TAF11L14: variants seen among roughly 807,000 people sequenced by gnomAD.
The protein encoded by TAF11L14 is TATA-box binding protein associated factor 11 like 14, also known as TATA-box-binding protein-associated factor 11-like protein 14.
At position 17,634,723 on chromosome 5, in the gene TAF11L14, A is replaced by T. The variant is rs547199861; in HGVS notation, c.264A>T (p.Ala88=). 4.2e-4 allele frequency: 168 copies of T among 398,736 alleles called. 4 individuals are homozygous for T. The highest frequency in any genetic ancestry group is 6.5e-4 in the Non-Finnish European group (147 of 226,046). 24.7% of individuals were successfully genotyped at this position (398,736 alleles called of 1,614,324 possible). The stretch of plus-strand genomic sequence containing the variant: ...AGGAGAGGAAGCCCAGTGTGGATGC[A>T]GAGGAGGCTCAGAGGATGACAACCC... Residue 88 remains alanine (A), a synonymous_variant, in exon 1 of 1, where the codon GCA becomes GCT. Transcript: ENST00000512227.
In TAF11L14 at chr5:17,634,708, G is replaced by A. The variant is rs112668550; in HGVS notation, c.249G>A (p.Lys83=). The A allele has an allele frequency of 5.4e-3, 2,136 of 398,574 alleles. 73 individuals are homozygous for A. Among genetic ancestry groups the A allele is most frequent in the African/African-American group, 0.039 (1,906 of 48,546 alleles). The allele number at this position is 398,574 out of a possible 1,614,324, so 24.7% of individuals were successfully genotyped here. The change falls in exon 1 of 1, where the codon AAG becomes AAA. Residue 83 remains lysine, a synonymous_variant. Transcript: ENST00000512227. ...ATACCAAAGGCCAGAAGGAGAGGAA[G>A]CCCAGTGTGGATGCAGAGGAGGCTC...
exon 1 of TAF11L14, chr5:17,634,539 G>C (rs1739773113): frequency 2.5e-6 from 1 of 398,256 alleles, no homozygotes; most frequent in African/African-American, 2.1e-5. Context: ...AACGAGGATG[G>C]AATCCCTGAG....
At chr5:17,634,833 T>A in exon 1 of TAF11L14, 1 of 398,592 alleles carries the variant, frequency 2.5e-6, no homozygotes, top group Non-Finnish European at 4.4e-6. Flanking sequence ...GTTGCACGTC[T>A]GATGTGGTCT....
chr5:17,634,680 C>G (rs1159356037), exon 1 of TAF11L14: 1 of 398,794 alleles, frequency 2.5e-6, no homozygotes, highest in African/African-American at 2.1e-5. Flanking sequence ...AGACAGAAAA[C>G]AGATACCAAA....
rs183102740 is a variant in TAF11L14 at position 17,634,519 on chromosome 5, G to A, written c.60G>A (p.Leu20=). Residue 20 remains leucine, a synonymous_variant, in exon 1 of 1, where the codon CTG becomes CTA. Coordinates refer to ENST00000512227, the Ensembl canonical transcript of TAF11L14. ...AGATGTTCGCCATACCCCGAGGTCT[G>A]AAGGGCTGCAACGAGGATGGAATCC... 16 of 398,356 alleles carry A rather than the reference G, an allele frequency of 4.0e-5. 1 individual carries two copies. The highest frequency in any genetic ancestry group is 3.3e-4 in the African/African-American group (16 of 48,524). The allele number at this position is 398,356 out of a possible 1,614,324, so 24.7% of individuals were successfully genotyped here. A position where few individuals can be genotyped will look rare whatever the true frequency, so the allele number is the denominator to read the frequency against.
rs753135576 is a variant in TAF11L14 at position 17,634,468 on chromosome 5, C to A, written c.9C>A (p.Thr3=). The A allele has an allele frequency of 4.8e-5, 19 of 398,278 alleles. 1 individual carries two copies. Among genetic ancestry groups the A allele is most frequent in the Middle Eastern group, 6.3e-4 (1 of 1,584 alleles). The allele number at this position is 398,278 out of a possible 1,614,324, so 24.7% of individuals were successfully genotyped here. Residue 3 remains threonine, a synonymous_variant, in exon 1 of 1, where the codon ACC becomes ACA. Coordinates refer to ENST00000512227, the Ensembl canonical transcript of TAF11L14. ...CAACCTGAATCTCACCCATGGAGACCGGCAGGCAAACAGGTGTGTCTGCTG... is the reference window on the plus strand; with the variant it reads ...CAACCTGAATCTCACCCATGGAGACAGGCAGGCAAACAGGTGTGTCTGCTG...
the TAF11L14 span, chr5:17,634,583 C>T: frequency 7.5e-6 from 3 of 398,170 alleles, no homozygotes; most frequent in Non-Finnish European, 1.3e-5. Flanking sequence ...ACCCAGGGCT[C>T]AGGAATGTGA....
exon 1 of TAF11L14, chr5:17,634,646 G>A (rs1739774882): frequency 2.5e-6 from 1 of 398,528 alleles, no homozygotes; most frequent in African/African-American, 2.1e-5. Flanking sequence ...TGAGGCCTCA[G>A]CCTCAGCTCC....
At chr5:17,634,988 G>C (rs968550038) in exon 1 of TAF11L14, 2 of 398,280 alleles carry the variant, frequency 5.0e-6, no homozygotes, top group African/African-American at 4.1e-5. Flanking sequence ...GGATTTAAGG[G>C]AGGCTGTTTG....
chr5:17,634,575 C>T (rs1579629025), exon 1 of TAF11L14: 1 of 398,264 alleles, frequency 2.5e-6, no homozygotes, highest in Admixed American at 4.4e-5. Context: ...TTGGAAGAAC[C>T]CAGGGCTCAG....
At chr5:17,634,692 G>T in exon 1 of TAF11L14, 1 of 399,024 alleles carries the variant, frequency 2.5e-6, no homozygotes, top group Non-Finnish European at 4.4e-6. Flanking sequence ...GATACCAAAG[G>T]CCAGAAGGAG....
exon 1 of TAF11L14, chr5:17,635,014 G>A (rs4866303): frequency 0.24 from 96,088 of 398,140 alleles, 16,216 homozygotes; most frequent in East Asian, 0.62. Context: ...TAAAGCCCAA[G>A]GGCCTCTTCC....
chr5:17,634,586 G>T, the TAF11L14 span: 310 of 398,392 alleles, frequency 7.8e-4, 8 homozygotes, highest in African/African-American at 5.9e-3. Flanking sequence ...CAGGGCTCAG[G>T]AATGTGAGCT....
chr5:17,635,007 A>T, exon 1 of TAF11L14: 1 of 398,448 alleles, frequency 2.5e-6, no homozygotes, highest in East Asian at 3.6e-5. Flanking sequence ...TGCAGGTTAA[A>T]GCCCAAGGGC....
At chr5:17,634,655 C>A (rs112502919) in exon 1 of TAF11L14, 1 of 398,702 alleles carries the variant, frequency 2.5e-6, no homozygotes. Flanking sequence ...AGCCTCAGCT[C>A]CTCCTGCAGC....
At chr5:17,634,505 A>G (rs1739772187) in exon 1 of TAF11L14, 20 of 398,354 alleles carry the variant, frequency 5.0e-5, no homozygotes, top group Admixed American at 8.8e-5. Flanking sequence ...GATGTTCGCC[A>G]TACCCCGAGG....
At chr5:17,634,479 C>G (rs1442731801) in exon 1 of TAF11L14, 5 of 398,204 alleles carry the variant, frequency 1.3e-5, no homozygotes, top group Non-Finnish European at 2.2e-5. Flanking sequence ...GGCAGGCAAA[C>G]AGGTGTGTCT....
exon 1 of TAF11L14, chr5:17,634,897 C>T (rs113593948): frequency 5.5e-5 from 22 of 398,512 alleles, no homozygotes; most frequent in South Asian, 1.3e-4. Flanking sequence ...CTGGAATAGC[C>T]AAGGTCTTTG....
exon 1 of TAF11L14, chr5:17,634,496 A>G (rs1366390147): frequency 2.3e-5 from 9 of 398,136 alleles, no homozygotes; most frequent in Non-Finnish European, 4.0e-5. Flanking sequence ...GTCTGCTGAG[A>G]TGTTCGCCAT....
Sources: gnomAD v4.1 joint callset for allele counts on GRCh38, gnomAD v4.1.1 for gene constraint, MANE v1.5 for transcripts, NCBI Gene and HGNC (gene_info 2026-07-23, HGNC 2026-07-21) for gene names.